MYH7B: variants seen among roughly 807,000 people sequenced by gnomAD.
The protein encoded by MYH7B is myosin heavy chain 7B.
In MYH7B, 205 loss-of-function variants were observed where a neutral mutation model predicts 234.5. The observed-to-expected ratio is 0.87, with a 90% CI of 0.78 to 0.98. The LOEUF (loss-of-function observed/expected upper bound fraction) is 0.98. Among genes scored for constraint, MYH7B ranks in the 50% least tolerant of loss-of-function variants. The probability of loss-of-function intolerance (pLI) is 0.00; values close to 1 mark genes in which losing one functional copy is unlikely to be tolerated. For missense variants in MYH7B, 2,652 were observed against 2,633.4 expected (o/e 1.01, Z -0.15); for synonymous variants, 1,193 against 1,105.0 (o/e 1.08, Z -1.58).
rs978929874 is a variant in MYH7B at position 34,981,071 on chromosome 20, G to C, written c.527+11G>C. On this transcript the variant is annotated intron_variant, in intron 9 of 44. Transcript: ENST00000262873. ...GTCCATGCTGATCACGTGAGTGTGG[G>C]GCTCTGGGGGTGGGGTGGAAAATGC... 1 of 1,613,756 alleles carries C rather than the reference G, an allele frequency of 6.2e-7. No individual in the cohort carries two copies. The highest frequency in any genetic ancestry group is 2.2e-5 in the East Asian group (1 of 44,872).
chr20:34,989,612 C>T lies in MYH7B; in HGVS notation c.1588-128C>T, dbSNP rs148571211. 5,208 of 925,788 alleles carry T rather than the reference C, an allele frequency of 5.6e-3. 17 individuals are homozygous for T. Among genetic ancestry groups the T allele is most frequent in the Non-Finnish European group, 7.5e-3 (4,747 of 630,832 alleles). 57.3% of individuals were successfully genotyped at this position (925,788 alleles called of 1,614,324 possible). A position where few individuals can be genotyped will look rare whatever the true frequency, so the allele number is the denominator to read the frequency against. On this transcript the variant is annotated intron_variant, in intron 19 of 44. Coordinates refer to ENST00000262873, the Ensembl canonical transcript of MYH7B. ...GGAGTGGGTGTGGTGTCTGACCATC[C>T]GGGGAGATGGCTGAAGCTGGGGATC...
intron 30 of MYH7B, 94 bp from the exon 31 acceptor site, chr20:34,996,989 T>C (rs2082271924): frequency 1.1e-5 from 16 of 1,402,826 alleles, no homozygotes; most frequent in Non-Finnish European, 1.5e-5. Context: ...GTGAGGTCCC[T>C]CAGGGCCTGA....
intron 43 of MYH7B, 114 bp downstream of exon 43, chr20:35,001,640 G>A (rs1395250497): frequency 3.2e-6 from 3 of 947,248 alleles, no homozygotes; most frequent in Admixed American, 2.4e-5. Flanking sequence ...TGACCCAGAG[G>A]GAAGAGAGAA....
chr20:34,972,316 G>A (rs1284238533), intron 2 of MYH7B, among the ~76,000 whole-genome samples: 2 of 151,970 alleles, frequency 1.3e-5, no homozygotes, highest in Admixed American at 6.6e-5. Flanking sequence ...TCTGCCTCAT[G>A]GCTATTGTAT....
At chr20:34,987,700 A>G (rs1444346444) in intron 17 of MYH7B, 25 bp downstream of exon 17, 4 of 1,612,152 alleles carry the variant, frequency 2.5e-6, no homozygotes, top group Non-Finnish European at 1.7e-6. Flanking sequence ...GGCCAAACCC[A>G]TGGGGGACAG....
At chr20:34,977,731 C>CGGGGGGGGGGGGGGGGGGGGGGGG in intron 4 of MYH7B, 51 bp downstream of exon 4, 1 of 146,962 alleles carries the variant, frequency 6.8e-6, no homozygotes. Context: ...GGAGGGTGGG[C>CGGGGGGGGGGGGGGGGGGGGGGGG]GGGTGGGTGA....
Position 35,002,086 on chromosome 20 carries a change from G to C in MYH7B, c.5814+1G>C, listed in dbSNP as rs770031274. On this transcript the variant is annotated splice_donor_variant, in intron 44 of 44. Transcript: ENST00000262873. LOFTEE classifies it high-confidence loss of function. Reference sequence around the variant, plus strand: ...GACCCGGGACGCCCTGGGCCCCAAGGTGAGGAGTGGCAGGGGCATTGCTCT... The same window carrying C: ...GACCCGGGACGCCCTGGGCCCCAAGCTGAGGAGTGGCAGGGGCATTGCTCT... The C allele has an allele frequency of 1.2e-6, 2 of 1,613,678 alleles. No individual in the cohort carries two copies. The highest frequency in any genetic ancestry group is 1.1e-5 in the South Asian group (1 of 91,074).
chr20:35,002,250 C>G (rs6088671), exon 45 of MYH7B: 3 of 1,490,282 alleles, frequency 2.0e-6, no homozygotes, highest in Middle Eastern at 1.8e-4. Flanking sequence ...CTGAGGCCAC[C>G]TGCCCCGATC....
At chr20:34,980,505 T>C in intron 7 of MYH7B, 73 bp from the exon 8 acceptor site, 1 of 1,371,096 alleles carries the variant, frequency 7.3e-7, no homozygotes, top group South Asian at 1.2e-5. Flanking sequence ...GCCGTTGTAC[T>C]CCAGCCTGGG....
At chr20:34,996,514 G>A (rs375422583) in exon 29 of MYH7B, 8 of 1,610,576 alleles carry the variant, frequency 5.0e-6, no homozygotes, top group Non-Finnish European at 6.8e-6. Context: ...GGAGCAACAG[G>A]TGGAGGACGT....
At chr20:34,980,458 G>A (rs916006405) in intron 7 of MYH7B, 120 bp from the exon 8 acceptor site, 3 of 863,122 alleles carry the variant, frequency 3.5e-6, no homozygotes, top group Admixed American at 4.0e-5. Context: ...GCTGAGGCAG[G>A]ACCCAGGAGG....
At chr20:34,989,777 T>C (rs775114885) in exon 20 of MYH7B, 21 of 1,613,996 alleles carry the variant, frequency 1.3e-5, no homozygotes, top group East Asian at 2.2e-5. Context: ...GAGGAATGCA[T>C]GTTCCCCAAG....
chr20:34,991,587 A>T (rs142288361), intron 24 of MYH7B, among the ~76,000 whole-genome samples: 1 of 152,256 alleles, frequency 6.6e-6, no homozygotes, highest in African/African-American at 2.4e-5. Flanking sequence ...GGGATTATCA[A>T]TCTGGAGCTC....
Position 35,002,166 on chromosome 20 carries a change from T to TTTCTC in MYH7B, c.5815-10_5815-6dup. 1.9e-6 allele frequency: 3 copies of TTTCTC among 1,576,780 alleles called. No individual in the cohort carries two copies. The highest frequency in any genetic ancestry group is 2.6e-6 in the Non-Finnish European group (3 of 1,163,540). Reference sequence around the variant, plus strand: ...GTAGTACTGCTCACTCAGCTATCCCTTTCTCCTCAGCACAAGGAGTGACGG... The same window carrying TTTCTC: ...GTAGTACTGCTCACTCAGCTATCCCTTTCTCTTCTCCTCAGCACAAGGAGTGACGG... On this transcript the variant is annotated splice_polypyrimidine_tract_variant and intron_variant, in intron 44 of 44. Coordinates refer to ENST00000262873, the Ensembl canonical transcript of MYH7B.
chr20:34,967,897 A>G (rs139412460), intron 2 of MYH7B, among the ~76,000 whole-genome samples: 2 of 152,276 alleles, frequency 1.3e-5, no homozygotes, highest in Non-Finnish European at 2.9e-5. Context: ...CTGGGATTTC[A>G]CATGTGGGCC....
intron 10 of MYH7B, among the ~76,000 whole-genome samples, chr20:34,984,375 G>A (rs745849): frequency 0.38 from 57,179 of 152,024 alleles, 12,301 homozygotes; most frequent in Admixed American, 0.56. Flanking sequence ...GATTTTAGTC[G>A]GGAGGCCCCT....
intron 13 of MYH7B, 56 bp from the exon 14 acceptor site, chr20:34,986,044 G>A (rs1340347317): frequency 1.4e-6 from 2 of 1,450,232 alleles, no homozygotes; most frequent in Non-Finnish European, 9.5e-7. Flanking sequence ...CGCCCCCTTG[G>A]GATGTCCACT....
At chr20:35,001,555 A>G in intron 43 of MYH7B, 29 bp downstream of exon 43, 1 of 1,567,420 alleles carries the variant, frequency 6.4e-7, no homozygotes, top group Non-Finnish European at 8.7e-7. Context: ...GGACACCTGG[A>G]CCGGGCACCC....
intron 30 of MYH7B, 59 bp downstream of exon 30, chr20:34,996,817 C>G (rs771657949): frequency 2.4e-4 from 379 of 1,564,718 alleles, no homozygotes; most frequent in Non-Finnish European, 3.0e-4. Flanking sequence ...CCCTTGTTCC[C>G]TTCTGGATTC....
Sources: allele counts gnomAD v4.1 joint callset (sites outside exome capture counted in the v4.1 genomes callset), GRCh38; gene constraint gnomAD v4.1.1; transcripts MANE v1.5; gene names NCBI Gene and HGNC (gene_info 2026-07-23, HGNC 2026-07-21).